MAPK4: variants seen among roughly 807,000 people sequenced by gnomAD.
The protein encoded by MAPK4 is Erk3-related.
In MAPK4, 22 loss-of-function variants were observed where a neutral mutation model predicts 47.7. The observed-to-expected ratio is 0.46, with a 90% CI of 0.33 to 0.66. MAPK4 has a LOEUF of 0.66. Among genes scored for constraint, MAPK4 ranks in the 30% least tolerant of loss-of-function variants. The pLI is 0.02. For missense variants in MAPK4, 736 were observed against 831.7 expected (o/e 0.88, Z 1.42); for synonymous variants, 390 against 365.7 (o/e 1.07, Z -0.76).
intron 2 of MAPK4, 132 bp from the exon 3 acceptor site, chr18:50,714,947 C>T: frequency 2.3e-6 from 2 of 879,760 alleles, no homozygotes; most frequent in East Asian, 5.1e-5. Context: ...CCTTCAAGAT[C>T]AATGGGAAAG....
chr18:50,602,767 G>T (rs1189655500), intron 1 of MAPK4, among the ~76,000 whole-genome samples: 1 of 152,160 alleles, frequency 6.6e-6, no homozygotes. Context: ...CACACTCCCT[G>T]CATGAAGGAG....
chr18:50,661,967 C>T (rs2043176728), intron 1 of MAPK4, among the ~76,000 whole-genome samples: 1 of 152,208 alleles, frequency 6.6e-6, no homozygotes, highest in Non-Finnish European at 1.5e-5. Context: ...AAATTTCCTT[C>T]ATTAGAAGTC....
rs1003917383 is a variant in MAPK4, at chr18:50,724,782, C to T, written c.854-1180C>T. On this transcript the variant is annotated intron_variant, in intron 4 of 5. Coordinates refer to ENST00000400384, the MANE Select transcript of MAPK4 (RefSeq NM_002747.4). ...TGGTGTGAGGGGCAGGTTAATGGTG[C>T]AGGCTGAGGCCCACGAGGGAGCTCC... Among the ~76,000 whole-genome samples, 13 of 152,350 alleles carry T rather than the reference C, an allele frequency of 8.5e-5. 1 individual carries two copies. The highest frequency in any genetic ancestry group is 3.4e-3 in the Middle Eastern group (1 of 294).
At chr18:50,690,790 T>C (rs1260305854) in intron 2 of MAPK4, among the ~76,000 whole-genome samples, 2 of 152,212 alleles carry the variant, frequency 1.3e-5, no homozygotes, top group African/African-American at 2.4e-5. Flanking sequence ...TCTTTAATTA[T>C]TGAAATTTTT....
chr18:50,579,420 T>C (rs2042324448), intron 1 of MAPK4, among the ~76,000 whole-genome samples: 1 of 152,184 alleles, frequency 6.6e-6, no homozygotes, highest in Non-Finnish European at 1.5e-5. Flanking sequence ...TAAATGAATG[T>C]CAAGGGCAAC....
chr18:50,585,304 T>C (rs2042378905), intron 1 of MAPK4, among the ~76,000 whole-genome samples: 1 of 152,164 alleles, frequency 6.6e-6, no homozygotes. Context: ...ATTTCTATGA[T>C]CTTTGATATG....
rs142754856 is a variant in MAPK4 at position 50,725,107 on chromosome 18, A to C, written c.854-855A>C. ...CTGGTTAGCAAACAGCCTCTCGCAC[A>C]AGGCTTCTGAGTGTCCCTTCCCTTC... On this transcript the variant is annotated intron_variant, in intron 4 of 5. Transcript: ENST00000400384. Among the ~76,000 whole-genome samples, 187 of 152,316 alleles carry C rather than the reference A, an allele frequency of 1.2e-3. 1 individual carries two copies. The highest frequency in any genetic ancestry group is 0.01 in the Middle Eastern group (3 of 294).
At chr18:50,703,526 T>A (rs1217839243) in intron 2 of MAPK4, among the ~76,000 whole-genome samples, 1 of 152,140 alleles carries the variant, frequency 6.6e-6, no homozygotes, top group African/African-American at 2.4e-5. Context: ...CACAGAGCAT[T>A]CAGCAGGCGC....
chr18:50,670,511 C>T lies in MAPK4; in HGVS notation c.546+6007C>T, dbSNP rs147834443. 2.0e-5 allele frequency among the ~76,000 whole-genome samples: 3 copies of T among 152,272 alleles called. 1 individual carries two copies. Among genetic ancestry groups the T allele is most frequent in the East Asian group, 1.9e-4 (1 of 5,168 alleles). ...GTGGCTCACGCCTGCAATCCCAGCACTCTGGGAAGCCGAGGTGGGCAGATC... is the reference window on the plus strand; with the variant it reads ...GTGGCTCACGCCTGCAATCCCAGCATTCTGGGAAGCCGAGGTGGGCAGATC... On this transcript the variant is annotated intron_variant, in intron 2 of 5. Coordinates refer to ENST00000400384, the MANE Select transcript of MAPK4 (RefSeq NM_002747.4).
intron 1 of MAPK4, among the ~76,000 whole-genome samples, chr18:50,586,544 C>T (rs72917635): frequency 0.059 from 8,932 of 151,718 alleles, 340 homozygotes; most frequent in Non-Finnish European, 0.085. Context: ...GGGCAGAAAA[C>T]GTAATGTATT....
chr18:50,591,897 A>G (rs1258973514), intron 1 of MAPK4, among the ~76,000 whole-genome samples: 2 of 152,154 alleles, frequency 1.3e-5, no homozygotes, highest in Non-Finnish European at 2.9e-5. Context: ...CGGGTTCATC[A>G]TAAGCACCTC....
intron 1 of MAPK4, among the ~76,000 whole-genome samples, chr18:50,571,857 C>T (rs569389985): frequency 6.6e-6 from 1 of 152,102 alleles, no homozygotes; most frequent in Non-Finnish European, 1.5e-5. Context: ...CTTCAGTATG[C>T]GGTGGGCTTT....
chr18:50,625,234 A>T (rs1357680192), intron 1 of MAPK4, among the ~76,000 whole-genome samples: 2 of 152,210 alleles, frequency 1.3e-5, no homozygotes, highest in African/African-American at 4.8e-5. Context: ...GTCCTGGAAA[A>T]TGCAGGGTCT....
rs116296745 is a variant in MAPK4 at position 50,674,855 on chromosome 18, T to C, written c.546+10351T>C. ...GTATCTGATCCATTGTATGAGTTCA[T>C]TCAATGCTAATTGGCTAATGAACAA... On this transcript the variant is annotated intron_variant, in intron 2 of 5. Coordinates refer to ENST00000400384, the MANE Select transcript of MAPK4 (RefSeq NM_002747.4). Among the ~76,000 whole-genome samples, 664 of 152,320 alleles carry C rather than the reference T, an allele frequency of 4.4e-3. 4 individuals are homozygous for C. The highest frequency in any genetic ancestry group is 0.015 in the African/African-American group (630 of 41,564).
intron 1 of MAPK4, among the ~76,000 whole-genome samples, chr18:50,600,218 G>A (rs1206670864): frequency 6.6e-6 from 1 of 152,192 alleles, no homozygotes; most frequent in Admixed American, 6.5e-5. Flanking sequence ...CTAGCCTGTG[G>A]CATTTGTAGA....
At chr18:50,693,028 G>T (rs1164259525) in intron 2 of MAPK4, among the ~76,000 whole-genome samples, 1 of 152,122 alleles carries the variant, frequency 6.6e-6, no homozygotes, top group Non-Finnish European at 1.5e-5. Flanking sequence ...GGCTGAGATG[G>T]GTGGATCACT....
Position 50,729,162 on chromosome 18 carries a change from C to G in MAPK4, c.1072C>G (p.Pro358Ala), listed in dbSNP as rs963266480. The G allele has an allele frequency of 9.5e-6, 15 of 1,573,564 alleles. No homozygotes were observed. The highest frequency in any genetic ancestry group is 1.1e-5 in the South Asian group (1 of 87,038). Residue 358 changes from proline (P) to alanine (A), a missense_variant, in exon 6 of 6, where the codon CCT becomes GCT. This residue lies in a region of MAPK4 where 377 missense variants were observed against 378.6 expected (regional missense o/e 1.00). Transcript: ENST00000400384. ...GCTCTGTTTGTACCCTTGCAGGTAC[C>G]CTGTGAGCCTGTCGTCGGACCTGGA... ...SNWDTCSSRY[P>A]VSLSSDLEWR... is the part of the protein sequence containing the mutation.
At chr18:50,575,976 T>G (rs1282997451) in intron 1 of MAPK4, among the ~76,000 whole-genome samples, 1 of 152,112 alleles carries the variant, frequency 6.6e-6, no homozygotes, top group Non-Finnish European at 1.5e-5. Flanking sequence ...TGGCTATTAT[T>G]AAAAAGTCGA....
chr18:50,603,769 G>T (rs1368030635), intron 1 of MAPK4, among the ~76,000 whole-genome samples: 1 of 152,078 alleles, frequency 6.6e-6, no homozygotes, highest in Admixed American at 6.5e-5. Flanking sequence ...TCAAAGCTTT[G>T]TCTTAACAGG....
Sources: gnomAD v4.1 joint callset for allele counts (sites outside exome capture counted in the v4.1 genomes callset) on GRCh38, gnomAD v4.1.1 for gene constraint, gnomAD v4.1.1 regional missense constraint, MANE v1.5 for transcripts, NCBI Gene and HGNC (gene_info 2026-07-23, HGNC 2026-07-21) for gene names.